CTNNA2: variants seen among roughly 807,000 people sequenced by gnomAD.
The protein encoded by CTNNA2 is catenin alpha 2.
A neutral mutation model predicts 101.0 loss-of-function variants in CTNNA2; 42 were observed. The ratio of observed to expected loss-of-function variants is 0.42; its 90% CI spans 0.32 to 0.54. The LOEUF (loss-of-function observed/expected upper bound fraction) is 0.54, where lower values mean the gene tolerates loss of function less well. Ranked by LOEUF, CTNNA2 falls within the 20% of genes least tolerant of loss-of-function variation. The pLI is 0.14. For missense variants in CTNNA2, 871 were observed against 1,223.1 expected, an observed-to-expected ratio of 0.71 and a Z score of 4.29; for synonymous variants, 450 against 456.4, an observed-to-expected ratio of 0.99 and a Z score of 0.18.
chr2:80,395,417 G>T (rs1422833011), intron 8 of CTNNA2, among the ~76,000 whole-genome samples: 3 of 152,202 alleles, frequency 2.0e-5, no homozygotes, highest in Non-Finnish European at 4.4e-5. Flanking sequence ...TTTCTAAAAT[G>T]ACGATGGTCC....
At chr2:79,240,173 G>T (rs1050745411) in intron 2 of CTNNA2, among the ~76,000 whole-genome samples, 1 of 151,574 alleles carries the variant, frequency 6.6e-6, no homozygotes, top group Non-Finnish European at 1.5e-5. Flanking sequence ...CTCCTAAAGT[G>T]CTGGGATTAC....
chr2:79,339,240 C>T lies in CTNNA2; in HGVS notation c.-318+26444C>T, dbSNP rs74967923. Among the ~76,000 whole-genome samples the T allele has an allele frequency of 2.6e-3, 398 of 152,064 alleles. 12 individuals carry two copies. In the East Asian group the frequency reaches 0.059, roughly 23 times the overall value. On this transcript the variant is annotated intron_variant, in intron 3 of 21. Coordinates refer to the CTNNA2 transcript ENST00000466387. ...AACTAACTGGAGATCTAGGAGGAAA[C>T]CAAGATCATTTTCATAGAATCCAAG...
In CTNNA2 at chr2:79,342,632, T is replaced by C. The variant is rs566986249; in HGVS notation, c.-318+29836T>C. On this transcript the variant is annotated intron_variant, in intron 3 of 21. Coordinates refer to the CTNNA2 transcript ENST00000466387. ...AATTAGTTTATCTTGAAGATTTTCA[T>C]CAGAATGATACACTACTCATAATTA... 7.2e-5 allele frequency among the ~76,000 whole-genome samples: 11 copies of C among 152,324 alleles called. No individual in the cohort carries two copies. The South Asian group carries it at 1.4e-3, about 20-fold the overall frequency.
chr2:80,184,463 G>A lies in CTNNA2; in HGVS notation c.1057-208748G>A, dbSNP rs564070632. On this transcript the variant is annotated intron_variant, in intron 7 of 18. Coordinates refer to ENST00000402739, the MANE Select transcript of CTNNA2 (RefSeq NM_001282597.3). ...ATGATGGAATCATAGCTTTATAGTG[G>A]CAGAATAGTTTTGATGAATTGAAGC... 4.6e-5 allele frequency among the ~76,000 whole-genome samples: 7 copies of A among 152,212 alleles called. No homozygotes were observed. The South Asian group carries it at 8.3e-4, about 18-fold the overall frequency.
At chr2:79,503,139 T>G (rs1464674494) in intron 4 of CTNNA2, among the ~76,000 whole-genome samples, 3 of 152,180 alleles carry the variant, frequency 2.0e-5, no homozygotes, top group African/African-American at 7.2e-5. Context: ...TTTCATCTGC[T>G]TTTTCTGCTT....
At chr2:80,200,125 C>T (rs75012447) in intron 7 of CTNNA2, among the ~76,000 whole-genome samples, 2,312 of 152,260 alleles carry the variant, frequency 0.015, 25 homozygotes, top group Middle Eastern at 0.054. Flanking sequence ...AAAATTGAAT[C>T]GGCACCACTT....
chr2:80,323,276 C>A (rs916542997), intron 7 of CTNNA2, among the ~76,000 whole-genome samples: 1 of 152,214 alleles, frequency 6.6e-6, no homozygotes, highest in Non-Finnish European at 1.5e-5. Flanking sequence ...GGGCTCCGAA[C>A]AGGCCTGGGA....
intron 7 of CTNNA2, among the ~76,000 whole-genome samples, chr2:80,278,479 T>C (rs1674100594): frequency 6.6e-6 from 1 of 152,050 alleles, no homozygotes; most frequent in Admixed American, 6.6e-5. Context: ...TCCAGACAAG[T>C]GTTCTTATCA....
At chr2:80,104,987 C>T (rs778574039) in intron 7 of CTNNA2, among the ~76,000 whole-genome samples, 1 of 152,132 alleles carries the variant, frequency 6.6e-6, no homozygotes, top group Non-Finnish European at 1.5e-5. Flanking sequence ...TGATGGTAAA[C>T]TTGCTTGGAG....
At chr2:80,509,537 A>G (rs1051049875) in intron 9 of CTNNA2, among the ~76,000 whole-genome samples, 1 of 152,170 alleles carries the variant, frequency 6.6e-6, no homozygotes, top group Admixed American at 6.5e-5. Flanking sequence ...CTGAACTTGG[A>G]TGTCTTCTGT....
chr2:80,332,559 C>G (rs1671429198), intron 7 of CTNNA2, among the ~76,000 whole-genome samples: 1 of 152,114 alleles, frequency 6.6e-6, no homozygotes, highest in Non-Finnish European at 1.5e-5. Context: ...AGAGAACAAA[C>G]TTGCCTAATA....
At chr2:80,386,961 G>T (rs1424169585) in intron 7 of CTNNA2, among the ~76,000 whole-genome samples, 1 of 152,130 alleles carries the variant, frequency 6.6e-6, no homozygotes, top group East Asian at 1.9e-4. Context: ...GGGCTTCCAT[G>T]AGAGACCCCC....
intron 7 of CTNNA2, among the ~76,000 whole-genome samples, chr2:80,356,491 A>G (rs1673812204): frequency 6.6e-6 from 1 of 152,096 alleles, no homozygotes; most frequent in Admixed American, 6.6e-5. Flanking sequence ...TCCAATAATA[A>G]ACATTTATTG....
chr2:79,916,708 T>C (rs7595151), intron 7 of CTNNA2, among the ~76,000 whole-genome samples: 2 of 150,320 alleles, frequency 1.3e-5, no homozygotes, highest in Admixed American at 6.6e-5. Flanking sequence ...TCAGCCTCGC[T>C]AGTAGCTGGG....
upstream of CTNNA2, among the ~76,000 whole-genome samples, chr2:79,510,695 G>T (rs1171802863): frequency 2.0e-5 from 3 of 152,206 alleles, no homozygotes; most frequent in East Asian, 1.9e-4. Context: ...AACTGAGGGA[G>T]ACCAAGGGTC....
chr2:79,744,669 CAAA>C, intron 3 of CTNNA2, 87 bp downstream of exon 3: 3 of 1,276,192 alleles, frequency 2.4e-6, no homozygotes, highest in Non-Finnish European at 2.1e-6. Flanking sequence ...GATATTTACT[CAAA>C]GAAGAAGTCT....
chr2:79,308,158 C>T (rs549335520), intron 2 of CTNNA2, among the ~76,000 whole-genome samples: 2 of 152,256 alleles, frequency 1.3e-5, no homozygotes, highest in African/African-American at 4.8e-5. Context: ...GATTCTCCTG[C>T]CTCAGCCTTC....
At chr2:79,563,860 A>G (rs187820940) in intron 1 of CTNNA2, among the ~76,000 whole-genome samples, 1 of 152,272 alleles carries the variant, frequency 6.6e-6, no homozygotes, top group East Asian at 1.9e-4. Flanking sequence ...CATTATAACA[A>G]ATGCCATTAA....
intron 3 of CTNNA2, among the ~76,000 whole-genome samples, chr2:79,369,949 GT>G (rs1677834197): frequency 6.6e-6 from 1 of 152,142 alleles, no homozygotes; most frequent in South Asian, 2.1e-4. Context: ...TATCTACAAG[GT>G]TGTAAGATAC....
Sources: allele counts gnomAD v4.1 joint callset (sites outside exome capture counted in the v4.1 genomes callset), GRCh38; gene constraint gnomAD v4.1.1; transcripts MANE v1.5; gene names NCBI Gene and HGNC (gene_info 2026-07-23, HGNC 2026-07-21).